Variants in TTC28 observed in about 807,000 individuals in gnomAD.
TTC28 encodes the protein tetratricopeptide repeat protein 28.
A neutral mutation model predicts 198.0 loss-of-function variants in TTC28; 61 were observed. The ratio of observed to expected loss-of-function variants is 0.31; its 90% CI spans 0.25 to 0.38. The LOEUF is 0.38. TTC28 is among the 10% of genes least tolerant of loss of function. TTC28 has a pLI of 1.00. For synonymous variants in TTC28, 1,171 were observed against 1,297.8 expected, an observed-to-expected ratio of 0.90 and a Z score of 2.10; for missense variants, 2,678 against 3,164.0, an observed-to-expected ratio of 0.85 and a Z score of 3.69.
chr22:28,003,164 T>G (rs1362318454), intron 14 of TTC28, among the ~76,000 whole-genome samples: 10 of 152,102 alleles, frequency 6.6e-5, no homozygotes, highest in Non-Finnish European at 1.5e-4. Flanking sequence ...CTGGGCCCCA[T>G]GGCCTGCCAT....
intron 12 of TTC28, among the ~76,000 whole-genome samples, chr22:28,035,348 A>T (rs999692460): frequency 1.3e-5 from 2 of 152,216 alleles, no homozygotes; most frequent in African/African-American, 4.8e-5. Flanking sequence ...TGCCCAGTGG[A>T]AACAGATCAA....
At chr22:28,466,060 A>G (rs758368849) in intron 2 of TTC28, among the ~76,000 whole-genome samples, 1 of 152,242 alleles carries the variant, frequency 6.6e-6, no homozygotes, top group African/African-American at 2.4e-5. Flanking sequence ...CTGTGTGGCC[A>G]AAGGTCTAGT....
At chr22:28,363,273 C>T (rs1412237816) in intron 2 of TTC28, among the ~76,000 whole-genome samples, 1 of 152,196 alleles carries the variant, frequency 6.6e-6, no homozygotes, top group African/African-American at 2.4e-5. Flanking sequence ...GAGTACAGCT[C>T]AGGCTTTGCT....
At chr22:28,030,203 TG>T in intron 13 of TTC28, 22 bp downstream of exon 13, 1 of 1,551,126 alleles carries the variant, frequency 6.4e-7, no homozygotes. Context: ...GCACTGGGCC[TG>T]GGGAAAGCGC....
chr22:28,121,157 T>A (rs548780295), intron 6 of TTC28, among the ~76,000 whole-genome samples: 1 of 152,318 alleles, frequency 6.6e-6, no homozygotes, highest in Non-Finnish European at 1.5e-5. Flanking sequence ...TTTAAACATG[T>A]TTTCCTAGAA....
intron 2 of TTC28, among the ~76,000 whole-genome samples, chr22:28,513,900 G>A (rs190595847): frequency 6.6e-6 from 1 of 151,938 alleles, no homozygotes; most frequent in East Asian, 1.9e-4. Flanking sequence ...TATTTCTAAT[G>A]TCCTATTATG....
At chr22:28,386,640 T>TA (rs997286126) in intron 2 of TTC28, among the ~76,000 whole-genome samples, 2 of 152,068 alleles carry the variant, frequency 1.3e-5, no homozygotes, top group African/African-American at 2.4e-5. Flanking sequence ...CTAAGAGCTT[T>TA]AAAAAAATGC....
Position 28,105,324 on chromosome 22 carries a change from G to C in TTC28, c.3262C>G (p.His1088Asp). 6.4e-7 allele frequency: 1 copy of C among 1,551,716 alleles called. No individual in the cohort carries two copies. Among genetic ancestry groups the C allele is most frequent in the South Asian group, 1.2e-5 (1 of 84,052 alleles). ...GCTTGGGAATAGTTCTGCAAGGCATGATGGGTCCTTCCAAGGCTACTATAT... is the reference window on the plus strand; with the variant it reads ...GCTTGGGAATAGTTCTGCAAGGCATCATGGGTCCTTCCAAGGCTACTATAT... The part of the protein sequence containing the change: ...VSYSSLGRTH[H>D]ALQNYSQAVM... The change falls in exon 8 of 23, where the codon CAT (histidine) becomes GAT (aspartate). Residue 1088 changes from histidine (H) to aspartate (D), a missense_variant. Around this residue, in one of 8 missense-constraint regions of TTC28, gnomAD observed 727 missense variants for 861.9 expected, o/e 0.84. Transcript: ENST00000397906.
chr22:28,531,954 G>A (rs1281485840), intron 2 of TTC28, among the ~76,000 whole-genome samples: 1 of 152,192 alleles, frequency 6.6e-6, no homozygotes, highest in Non-Finnish European at 1.5e-5. Context: ...ACAAGAGAAA[G>A]CAGGAAAGAT....
intron 2 of TTC28, among the ~76,000 whole-genome samples, chr22:28,392,515 C>T (rs1214421882): frequency 6.6e-6 from 1 of 151,880 alleles, no homozygotes; most frequent in African/African-American, 2.4e-5. Flanking sequence ...GTAGGACCCT[C>T]CAAGCCAGGT....
At chr22:28,284,989 C>CT in intron 5 of TTC28, among the ~76,000 whole-genome samples, 1 of 152,340 alleles carries the variant, frequency 6.6e-6, no homozygotes, top group South Asian at 2.1e-4. Flanking sequence ...AATTCTACGT[C>CT]TGAGTATATA....
At chr22:27,999,724 A>T (rs557057831) in intron 15 of TTC28, 1 of 160,428 alleles carries the variant, frequency 6.2e-6, no homozygotes, top group South Asian at 1.9e-4. Context: ...GCTAAACTTA[A>T]GTCCTTTAAG....
chr22:28,582,613 CA>C (rs937542856), intron 2 of TTC28, among the ~76,000 whole-genome samples: 1 of 151,870 alleles, frequency 6.6e-6, no homozygotes, highest in African/African-American at 2.4e-5. Context: ...TAACGAATCT[CA>C]AAAAAATCCA....
chr22:28,651,284 C>A (rs1219105265), intron 1 of TTC28, among the ~76,000 whole-genome samples: 1 of 151,308 alleles, frequency 6.6e-6, no homozygotes, highest in Non-Finnish European at 1.5e-5. Context: ...CAGGCGTGAG[C>A]CACTGCACCC....
chr22:28,561,005 C>T (rs955944390), intron 2 of TTC28, among the ~76,000 whole-genome samples: 1 of 151,512 alleles, frequency 6.6e-6, no homozygotes, highest in Non-Finnish European at 1.5e-5. Flanking sequence ...GATCTGCCCA[C>T]CTCGGCCTCC....
At chr22:28,424,207 T>C (rs902870474) in intron 2 of TTC28, among the ~76,000 whole-genome samples, 6 of 152,184 alleles carry the variant, frequency 3.9e-5, no homozygotes, top group African/African-American at 7.2e-5. Context: ...TACTTGCCCA[T>C]AACACTTTAC....
chr22:28,679,729 C>A lies in TTC28; in HGVS notation c.-6G>T, dbSNP rs1601690836. On this transcript the variant is annotated 5_prime_UTR_variant, in exon 1 of 23. Transcript: ENST00000397906. The stretch of plus-strand genomic sequence containing the variant: ...GGCGGCGGCGACTGCTCCATCCCCA[C>A]GGGGCCCGGGCCGCGTCCGCCTCGA... 1 of 1,229,092 alleles carries A rather than the reference C, an allele frequency of 8.1e-7. No homozygotes were observed. The highest frequency in any genetic ancestry group is 1.0e-6 in the Non-Finnish European group (1 of 984,146). 76.1% of individuals were successfully genotyped at this position (1,229,092 alleles called of 1,614,324 possible).
rs553055995 is a variant in TTC28 at position 28,609,214 on chromosome 22, G to C, written c.381+20338C>G. Among the ~76,000 whole-genome samples the C allele has an allele frequency of 3.3e-5, 5 of 152,274 alleles. No individual in the cohort carries two copies. The South Asian group carries it at 8.3e-4, about 25-fold the overall frequency. ...ACCAAATGGAGAATATCAATAAAAA[G>C]AAAGTATGTTTTTTGAAAAACCAAA... is the stretch of plus-strand genomic sequence containing the variant. On this transcript the variant is annotated intron_variant, in intron 2 of 22. Coordinates refer to ENST00000397906, the MANE Select transcript of TTC28 (RefSeq NM_001145418.2).
intron 3 of TTC28, among the ~76,000 whole-genome samples, chr22:28,298,601 A>G (rs2044950558): frequency 6.6e-6 from 1 of 152,074 alleles, no homozygotes; most frequent in Non-Finnish European, 1.5e-5. Flanking sequence ...GGCACACACC[A>G]TCGTCTGTGG....
Sources: allele counts gnomAD v4.1 joint callset (sites outside exome capture counted in the v4.1 genomes callset), GRCh38; gene constraint gnomAD v4.1.1; regional missense constraint gnomAD v4.1.1; transcripts MANE v1.5; gene names NCBI Gene and HGNC (gene_info 2026-07-23, HGNC 2026-07-21).